The following DBF4B variants were observed in gnomAD, a reference collection of about 807,000 sequenced individuals.
The protein encoded by DBF4B is DBF4B-CDC7 kinase regulatory subunit, also known as protein DBF4 homolog B.
In DBF4B, 49 loss-of-function variants were observed where a neutral mutation model predicts 53.4. The observed-to-expected ratio is 0.92, with a 90% CI of 0.73 to 1.16. The LOEUF (loss-of-function observed/expected upper bound fraction) is 1.16. DBF4B is among the 50% of genes most tolerant of loss of function. DBF4B has a pLI of 0.00. For synonymous variants in DBF4B, 257 were observed against 288.7 expected (o/e 0.89, Z 1.11); for missense variants, 692 against 775.0 (o/e 0.89, Z 1.27).
Position 44,748,421 on chromosome 17 carries a change from C to A in DBF4B, c.1145C>A (p.Ala382Glu), listed in dbSNP as rs1263847434. The stretch of plus-strand genomic sequence containing the variant: ...CCCCATCAGCCCTCCCATCCCAGGG[C>A]AGCATCTCCCAGGATAAGGAAAGAA... ...LHPHQPSHPR[A>E]ASPRIRKEDS... The change falls in exon 13 of 14, where the codon GCA becomes GAA. Residue 382 changes from alanine to glutamate, a missense_variant. Coordinates refer to ENST00000315005, the MANE Select transcript of DBF4B (RefSeq NM_145663.3). 2 of 1,614,006 alleles carry A rather than the reference C, an allele frequency of 1.2e-6. No homozygotes were observed. Among genetic ancestry groups the A allele is most frequent in the Non-Finnish European group, 1.7e-6 (2 of 1,179,998 alleles).
intron 7 of DBF4B, among the ~76,000 whole-genome samples, chr17:44,735,305 C>T (rs1274484291): frequency 6.6e-6 from 1 of 152,216 alleles, no homozygotes; most frequent in Non-Finnish European, 1.5e-5. Flanking sequence ...TTCTAGGACT[C>T]TATGCACATA....
intron 3 of DBF4B, among the ~76,000 whole-genome samples, chr17:44,725,116 CAAAAAAAAAAAAA>C (rs57821218): frequency 2.1e-5 from 1 of 47,576 alleles, no homozygotes; most frequent in South Asian, 7.8e-4. Flanking sequence ...GACTCCATCT[CAAAAAAAAAAAAA>C]AAAAAAAAAA....
In DBF4B at chr17:44,750,621, C is replaced by A; in HGVS notation, c.1216C>A (p.Gln406Lys). The change falls in exon 14 of 14, where the codon CAG (glutamine) becomes AAG (lysine). Residue 406 changes from glutamine (Q) to lysine (K), a missense_variant. Transcript: ENST00000315005. ...SVTQGRAAGQ[Q>K]RWTESLDGVM... ...GACCCAAGGCAGGGCTGCGGGCCAG[C>A]AGCGATGGACAGAATCACTAGATGG... 6.2e-7 allele frequency: 1 copy of A among 1,612,742 alleles called. No individual in the cohort carries two copies.
At chr17:44,736,388 A>G (rs148522697) in intron 7 of DBF4B, among the ~76,000 whole-genome samples, 129 of 152,316 alleles carry the variant, frequency 8.5e-4, no homozygotes, top group African/African-American at 2.9e-3. Context: ...GCAAATGGCT[A>G]TCGTCTTTAT....
At chr17:44,709,157 G>A in intron 1 of DBF4B, 147 bp from the exon 2 acceptor site, 1 of 1,064,386 alleles carries the variant, frequency 9.4e-7, no homozygotes, top group Non-Finnish European at 1.4e-6. Context: ...GGCGGGAGTC[G>A]CGGGATGTAG....
chr17:44,735,676 GA>G (rs1046940359), intron 7 of DBF4B, among the ~76,000 whole-genome samples: 1 of 151,194 alleles, frequency 6.6e-6, no homozygotes, highest in Non-Finnish European at 1.5e-5. Context: ...TCAAAAAAAA[GA>G]AAAAAAAATT....
intron 3 of DBF4B, among the ~76,000 whole-genome samples, chr17:44,725,164 G>T (rs570668145): frequency 2.3e-4 from 34 of 149,982 alleles, no homozygotes; most frequent in Admixed American, 1.3e-3. Flanking sequence ...AGTGGCACAT[G>T]CCTGTAGTCC....
chr17:44,737,750 T>G (rs1016699537), intron 8 of DBF4B, among the ~76,000 whole-genome samples: 11 of 152,162 alleles, frequency 7.2e-5, no homozygotes, highest in African/African-American at 1.9e-4. Flanking sequence ...GACTCCAAAT[T>G]CATCTTCTCA....
chr17:44,750,077 T>A (rs2049240599), intron 13 of DBF4B: 4 of 999,278 alleles, frequency 4.0e-6, no homozygotes, highest in Admixed American at 5.6e-5. Context: ...CCTCCTCAGC[T>A]TGAGCTGCCT....
chr17:44,725,527 A>G (rs114763438), intron 3 of DBF4B, among the ~76,000 whole-genome samples: 128 of 152,102 alleles, frequency 8.4e-4, no homozygotes, highest in African/African-American at 2.9e-3. Flanking sequence ...CGCATAGTCA[A>G]TTGTAGAACA....
chr17:44,718,525 A>T (rs1973538075), intron 2 of DBF4B, among the ~76,000 whole-genome samples: 1 of 151,584 alleles, frequency 6.6e-6, no homozygotes, highest in African/African-American at 2.4e-5. Flanking sequence ...TGACCTCAGT[A>T]CTTTTGAAGT....
chr17:44,745,846 G>A (rs759006014), intron 10 of DBF4B, among the ~76,000 whole-genome samples: 8 of 151,972 alleles, frequency 5.3e-5, no homozygotes, highest in South Asian at 4.2e-4. Flanking sequence ...TGGACTTGTC[G>A]AGTTTGCTGG....
rs12325929 is a variant in DBF4B, at chr17:44,720,889, C to T, written c.83-1991C>T. On this transcript the variant is annotated intron_variant, in intron 2 of 13. Transcript: ENST00000315005. ...CTTTTTTTTTTTTTTAAGTCAATCTCGCTTGGTTTCCCAGGCTTGAATGCA... is the reference window on the plus strand; with the variant it reads ...CTTTTTTTTTTTTTTAAGTCAATCTTGCTTGGTTTCCCAGGCTTGAATGCA... Among the ~76,000 whole-genome samples the T allele has an allele frequency of 2.9e-3, 434 of 151,118 alleles. 2 individuals carry two copies. The highest frequency in any genetic ancestry group is 0.01 in the African/African-American group (414 of 41,128).
chr17:44,733,260 T>C (rs930412023), intron 6 of DBF4B, among the ~76,000 whole-genome samples: 3 of 152,240 alleles, frequency 2.0e-5, no homozygotes, highest in African/African-American at 7.2e-5. Flanking sequence ...GTCCCCATTA[T>C]ACAGATGAGG....
At chr17:44,714,174 G>A (rs1369867811) in intron 2 of DBF4B, among the ~76,000 whole-genome samples, 1 of 152,024 alleles carries the variant, frequency 6.6e-6, no homozygotes, top group Non-Finnish European at 1.5e-5. Flanking sequence ...GATTTGATGA[G>A]GGGGAAGGTT....
Position 44,749,811 on chromosome 17 carries a change from C to G in DBF4B, c.1190-784C>G, listed in dbSNP as rs2049230241. 9.5e-7 allele frequency: 1 copy of G among 1,047,518 alleles called. No individual in the cohort carries two copies. Among genetic ancestry groups the G allele is most frequent in the African/African-American group, 1.7e-5 (1 of 59,780 alleles). The allele number at this position is 1,047,518 out of a possible 1,614,324, so 64.9% of individuals were successfully genotyped here. A position where few individuals can be genotyped will look rare whatever the true frequency, so the allele number is the denominator to read the frequency against. ...CGGGTTAGCTGTTGGTGTGCTCCACCCCCAACCCCGGCCTCCTTTCTCACG... is the reference window on the plus strand; with the variant it reads ...CGGGTTAGCTGTTGGTGTGCTCCACGCCCAACCCCGGCCTCCTTTCTCACG... On this transcript the variant is annotated intron_variant, in intron 13 of 13. Transcript: ENST00000315005. The surrounding 1 kb of genome is among the most constrained non-coding windows in gnomAD (Gnocchi z 4.4).
At position 44,749,841 on chromosome 17, in the gene DBF4B, T is replaced by C. The variant is rs1421814552; in HGVS notation, c.1190-754T>C. ...ACCCCGGCCTCCTTTCTCACGAGCA[T>C]GTGGCCGCTCCTGCTTTCCAAAATG... On this transcript the variant is annotated intron_variant, in intron 13 of 13. Transcript: ENST00000315005. This position sits in a 1 kb window ranked among gnomAD's most constrained non-coding sequence, Gnocchi z 4.4. The C allele has an allele frequency of 9.7e-7, 1 of 1,031,684 alleles. No individual in the cohort carries two copies. Among genetic ancestry groups the C allele is most frequent in the Non-Finnish European group, 1.2e-6 (1 of 857,760 alleles). 63.9% of individuals were successfully genotyped at this position (1,031,684 alleles called of 1,614,324 possible).
rs1222583814 is a variant in DBF4B at position 44,749,665 on chromosome 17, C to T, written c.1190-930C>T. On this transcript the variant is annotated intron_variant, in intron 13 of 13. Coordinates refer to ENST00000315005, the MANE Select transcript of DBF4B (RefSeq NM_145663.3). The surrounding 1 kb of genome is among the most constrained non-coding windows in gnomAD (Gnocchi z 4.4). ...GTGGGCTTGCCCAGCTGAGGCTGGC[C>T]GCCCACGCCAGGAGGCAGAGGCGAA... 6.0e-6 allele frequency: 7 copies of T among 1,167,382 alleles called. No individual in the cohort carries two copies. The highest frequency in any genetic ancestry group is 3.4e-5 in the South Asian group (2 of 58,398). 72.3% of individuals were successfully genotyped at this position (1,167,382 alleles called of 1,614,324 possible).
intron 3 of DBF4B, among the ~76,000 whole-genome samples, chr17:44,725,271 C>T (rs889828354): frequency 2.6e-5 from 4 of 152,092 alleles, no homozygotes; most frequent in Admixed American, 6.6e-5. Context: ...GCCTGGATGA[C>T]AGAGCAAGAC....
Sources: allele counts gnomAD v4.1 joint callset (sites outside exome capture counted in the v4.1 genomes callset), GRCh38; gene constraint gnomAD v4.1.1; non-coding constraint Gnocchi (gnomAD v3.1); transcripts MANE v1.5; gene names NCBI Gene and HGNC (gene_info 2026-07-23, HGNC 2026-07-21).